ITGA9: variants seen among roughly 807,000 people sequenced by gnomAD.
ITGA9 encodes integrin alpha-9.
A neutral mutation model predicts 127.8 loss-of-function variants in ITGA9; 56 were observed. That is an observed-to-expected ratio of 0.44 (90% CI 0.35 to 0.55). The LOEUF (loss-of-function observed/expected upper bound fraction) is 0.55, where lower values mean the gene tolerates loss of function less well. Ranked by LOEUF, ITGA9 falls within the 20% of genes least tolerant of loss-of-function variation. The probability of loss-of-function intolerance (pLI) is 0.00; values close to 1 mark genes in which losing one functional copy is unlikely to be tolerated. For synonymous variants in ITGA9, 508 were observed against 514.5 expected, an observed-to-expected ratio of 0.99 and a Z score of 0.17; for missense variants, 1,196 against 1,347.1, an observed-to-expected ratio of 0.89 and a Z score of 1.76.
chr3:37,725,656 GGT>G (rs991255165), intron 18 of ITGA9, among the ~76,000 whole-genome samples: 59 of 152,220 alleles, frequency 3.9e-4, no homozygotes, highest in African/African-American at 1.4e-3. Flanking sequence ...ATAAAGAGAA[GGT>G]GTACATAGAG....
At chr3:37,732,835 G>T (rs1275817900) in intron 19 of ITGA9, 37 bp downstream of exon 19, 1 of 1,491,428 alleles carries the variant, frequency 6.7e-7, no homozygotes, top group Non-Finnish European at 9.2e-7. Context: ...TCAGCAGCAG[G>T]CCCCCAGCCC....
At chr3:37,566,467 A>C (rs888231201) in intron 15 of ITGA9, among the ~76,000 whole-genome samples, 50 of 152,324 alleles carry the variant, frequency 3.3e-4, no homozygotes, top group African/African-American at 1.2e-3. Flanking sequence ...AACATCTTAC[A>C]TATACATAGT....
At chr3:37,607,661 A>T (rs540285940) in intron 15 of ITGA9, among the ~76,000 whole-genome samples, 30 of 152,360 alleles carry the variant, frequency 2.0e-4, no homozygotes, top group South Asian at 4.1e-4. Context: ...TCTCATGGCC[A>T]GTAGCTTGGT....
intron 15 of ITGA9, among the ~76,000 whole-genome samples, chr3:37,591,501 T>TA (rs1699818088): frequency 6.6e-6 from 1 of 152,114 alleles, no homozygotes; most frequent in African/African-American, 2.4e-5. Context: ...GCTGGAGTGA[T>TA]AGAGAAGGAG....
At chr3:37,615,773 T>C (rs1404735630) in intron 15 of ITGA9, among the ~76,000 whole-genome samples, 1 of 152,246 alleles carries the variant, frequency 6.6e-6, no homozygotes, top group Non-Finnish European at 1.5e-5. Flanking sequence ...TATAGTATTC[T>C]CTGATGGTAG....
intron 25 of ITGA9, among the ~76,000 whole-genome samples, chr3:37,781,028 C>A (rs1313478756): frequency 6.6e-6 from 1 of 152,254 alleles, no homozygotes; most frequent in Non-Finnish European, 1.5e-5. Context: ...ATGCAGAATC[C>A]TGGGCTCCAC....
intron 22 of ITGA9, among the ~76,000 whole-genome samples, chr3:37,744,896 G>A (rs772687147): frequency 5.3e-5 from 8 of 152,256 alleles, no homozygotes; most frequent in Admixed American, 2.6e-4. Context: ...GGGAGAAGCC[G>A]GGCTGGGGCC....
intron 23 of ITGA9, among the ~76,000 whole-genome samples, chr3:37,759,181 A>G (rs780249018): frequency 1.2e-4 from 18 of 152,014 alleles, no homozygotes; most frequent in Non-Finnish European, 2.2e-4. Flanking sequence ...ACTCCAGGAA[A>G]AACAGACTCC....
Position 37,460,587 on chromosome 3 carries a change from CTT to C in ITGA9, c.185+8047_185+8048del, listed in dbSNP as rs10711884. On this transcript the variant is annotated intron_variant, in intron 1 of 27. Transcript: ENST00000264741. ...ATATGTACCTACTGTGTGCCCAAAT[CTT>C]TTTTTTTTTTTTTTTTTTGAGATGG... Among the ~76,000 whole-genome samples the C allele has an allele frequency of 5.8e-3, 638 of 110,760 alleles. 1 individual carries two copies. The highest frequency in any genetic ancestry group is 0.018 in the African/African-American group (487 of 27,666). The allele number at this position is 110,760 out of a possible 152,430, so 72.7% of individuals were successfully genotyped here. A position where few individuals can be genotyped will look rare whatever the true frequency, so the allele number is the denominator to read the frequency against.
intron 14 of ITGA9, among the ~76,000 whole-genome samples, chr3:37,540,118 C>T (rs375738423): frequency 6.6e-6 from 1 of 152,198 alleles, no homozygotes; most frequent in Non-Finnish European, 1.5e-5. Flanking sequence ...TCCTTTCCAC[C>T]CAGGTTTTCT....
intron 1 of ITGA9, among the ~76,000 whole-genome samples, chr3:37,467,800 A>G (rs949912420): frequency 2.0e-5 from 3 of 152,272 alleles, no homozygotes; most frequent in South Asian, 2.1e-4. Context: ...CAGGTCTTAG[A>G]ACCTGACCTG....
Position 37,630,553 on chromosome 3 carries a change from G to C in ITGA9, c.1839+1217G>C, listed in dbSNP as rs7610631. Among the ~76,000 whole-genome samples the C allele has an allele frequency of 1.7e-4, 26 of 152,228 alleles. No homozygotes were observed. In the East Asian group the frequency reaches 1.9e-3, roughly 11 times the overall value. Reference sequence around the variant, plus strand: ...TATCATTCAGCCATTGACTGGCTGTGGGGGGGAAGGGAAGTGTAACCCTCC... The same window carrying C: ...TATCATTCAGCCATTGACTGGCTGTCGGGGGGAAGGGAAGTGTAACCCTCC... On this transcript the variant is annotated intron_variant, in intron 16 of 27. Coordinates refer to ENST00000264741, the MANE Select transcript of ITGA9 (RefSeq NM_002207.3).
At chr3:37,606,143 C>G (rs1699967077) in intron 15 of ITGA9, among the ~76,000 whole-genome samples, 1 of 152,176 alleles carries the variant, frequency 6.6e-6, no homozygotes, top group Admixed American at 6.5e-5. Flanking sequence ...TTGAACAAAG[C>G]AAGTCTATTT....
intron 12 of ITGA9, among the ~76,000 whole-genome samples, chr3:37,525,059 C>T (rs1699080565): frequency 6.6e-6 from 1 of 152,170 alleles, no homozygotes; most frequent in Non-Finnish European, 1.5e-5. Flanking sequence ...TAGTGATGTA[C>T]AGATTCAGAC....
intron 18 of ITGA9, among the ~76,000 whole-genome samples, chr3:37,705,026 A>G (rs1700988942): frequency 6.6e-6 from 1 of 152,212 alleles, no homozygotes; most frequent in African/African-American, 2.4e-5. Context: ...TCAGAGGTCT[A>G]AAGGTGTTAG....
intron 15 of ITGA9, among the ~76,000 whole-genome samples, chr3:37,623,304 C>T (rs1468825233): frequency 2.6e-5 from 4 of 152,196 alleles, no homozygotes; most frequent in Admixed American, 1.3e-4. Flanking sequence ...TTGGGATTTT[C>T]GCCCCTCAAG....
intron 18 of ITGA9, among the ~76,000 whole-genome samples, chr3:37,722,172 GC>G (rs1355079102): frequency 6.6e-6 from 1 of 152,018 alleles, no homozygotes; most frequent in Non-Finnish European, 1.5e-5. Flanking sequence ...CATGTGCTTA[GC>G]CCCTTCTTAG....
chr3:37,798,759 T>C (rs1392303337), intron 26 of ITGA9, among the ~76,000 whole-genome samples: 1 of 152,240 alleles, frequency 6.6e-6, no homozygotes, highest in Non-Finnish European at 1.5e-5. Context: ...TTTAGTAATC[T>C]GATTTCAGTA....
chr3:37,758,158 C>T (rs1696677228), intron 23 of ITGA9, among the ~76,000 whole-genome samples: 1 of 148,616 alleles, frequency 6.7e-6, no homozygotes, highest in Non-Finnish European at 1.5e-5. Flanking sequence ...CCCGTCTCTA[C>T]TAAAAATACA....
Sources: allele counts gnomAD v4.1 joint callset (sites outside exome capture counted in the v4.1 genomes callset), GRCh38; gene constraint gnomAD v4.1.1; transcripts MANE v1.5; gene names NCBI Gene and HGNC (gene_info 2026-07-23, HGNC 2026-07-21).